Variants in CNTLN observed in about 807,000 individuals in gnomAD.
CNTLN encodes centlein, centrosomal protein.
Under a neutral mutation model 180.0 loss-of-function variants are expected in CNTLN, and 212 were observed. That is an observed-to-expected ratio of 1.18 (90% confidence interval 1.05 to 1.32). The LOEUF (loss-of-function observed/expected upper bound fraction) is 1.32, where lower values mean the gene tolerates loss of function less well. CNTLN is among the 40% of genes most tolerant of loss of function. The probability of loss-of-function intolerance (pLI) is 0.00; values close to 1 mark genes in which losing one functional copy is unlikely to be tolerated. For synonymous variants in CNTLN, 722 were observed against 563.1 expected (o/e 1.28, Z -3.99); for missense variants, 2,095 against 1,610.9 (o/e 1.30, Z -5.14).
intron 13 of CNTLN, among the ~76,000 whole-genome samples, chr9:17,371,826 G>A (rs777072561): frequency 1.3e-5 from 2 of 152,018 alleles, no homozygotes; most frequent in African/African-American, 4.8e-5. Context: ...TGGAAGCTCT[G>A]CAGACATATG....
At chr9:17,255,118 A>G (rs527803943) in intron 5 of CNTLN, among the ~76,000 whole-genome samples, 7 of 151,918 alleles carry the variant, frequency 4.6e-5, no homozygotes, top group African/African-American at 1.4e-4. Context: ...CTACATATAC[A>G]TGCCATCAGC....
chr9:17,322,654 T>TA (rs2133050498), intron 8 of CNTLN, among the ~76,000 whole-genome samples: 1 of 152,270 alleles, frequency 6.6e-6, no homozygotes, highest in South Asian at 2.1e-4. Context: ...ACATTACCCT[T>TA]ACTGAAATCT....
intron 8 of CNTLN, among the ~76,000 whole-genome samples, chr9:17,322,491 G>GA: frequency 6.6e-6 from 1 of 152,212 alleles, no homozygotes; most frequent in Non-Finnish European, 1.5e-5. Flanking sequence ...CAAGCAGAAT[G>GA]AAACAGCCCA....
intron 6 of CNTLN, among the ~76,000 whole-genome samples, chr9:17,280,319 G>A (rs919209383): frequency 6.6e-6 from 1 of 152,128 alleles, no homozygotes; most frequent in Non-Finnish European, 1.5e-5. Flanking sequence ...TGTATCTAGA[G>A]GAACTTCTCA....
At chr9:17,317,040 GTTT>G (rs550773715) in intron 8 of CNTLN, among the ~76,000 whole-genome samples, 12 of 150,586 alleles carry the variant, frequency 8.0e-5, no homozygotes, top group Admixed American at 5.3e-4. Context: ...AGAAAAAAGT[GTTT>G]TTTTTTTTTC....
chr9:17,449,221 A>G (rs937961818), intron 18 of CNTLN, among the ~76,000 whole-genome samples: 2 of 152,080 alleles, frequency 1.3e-5, no homozygotes, highest in Non-Finnish European at 2.9e-5. Context: ...TTTTCAAGAG[A>G]GCTTTTCTTC....
intron 1 of CNTLN, among the ~76,000 whole-genome samples, chr9:17,142,763 A>G (rs1256602007): frequency 1.3e-5 from 2 of 152,224 alleles, no homozygotes; most frequent in Non-Finnish European, 2.9e-5. Flanking sequence ...AAAGCTCCTC[A>G]AAAGAGATAC....
chr9:17,405,003 G>A (rs924666376), intron 15 of CNTLN, among the ~76,000 whole-genome samples: 2 of 151,758 alleles, frequency 1.3e-5, no homozygotes, highest in African/African-American at 4.9e-5. Flanking sequence ...CTCCCAAAGT[G>A]CTGGGATTAC....
chr9:17,205,858 G>C (rs1364116416), intron 2 of CNTLN, among the ~76,000 whole-genome samples: 1 of 152,162 alleles, frequency 6.6e-6, no homozygotes, highest in African/African-American at 2.4e-5. Flanking sequence ...TATTTAATCA[G>C]CAGGCAGATC....
At chr9:17,313,269 T>C (rs1819331932) in intron 8 of CNTLN, among the ~76,000 whole-genome samples, 1 of 152,172 alleles carries the variant, frequency 6.6e-6, no homozygotes, top group African/African-American at 2.4e-5. Flanking sequence ...ATTTCTTCCT[T>C]TTCATTGCAG....
At chr9:17,474,016 C>T (rs1832187238) in intron 23 of CNTLN, among the ~76,000 whole-genome samples, 1 of 152,154 alleles carries the variant, frequency 6.6e-6, no homozygotes, top group Admixed American at 6.5e-5. Context: ...TCATTCTCTT[C>T]CTGACAGACA....
intron 2 of CNTLN, among the ~76,000 whole-genome samples, chr9:17,149,711 G>A (rs1296162798): frequency 1.3e-5 from 2 of 151,722 alleles, no homozygotes; most frequent in Non-Finnish European, 1.5e-5. Context: ...TAGAGACGGG[G>A]TTTCACCATG....
At chr9:17,139,551 A>G (rs1396888246) in intron 1 of CNTLN, among the ~76,000 whole-genome samples, 1 of 151,712 alleles carries the variant, frequency 6.6e-6, no homozygotes, top group Non-Finnish European at 1.5e-5. Context: ...TCCCAGCTAC[A>G]TGGGAAGCTG....
chr9:17,317,283 T>C (rs112129492), intron 8 of CNTLN, among the ~76,000 whole-genome samples: 2,473 of 152,306 alleles, frequency 0.016, 73 homozygotes, highest in African/African-American at 0.057. Context: ...ACAGTTTAAA[T>C]AATGGCTCTC....
chr9:17,193,586 C>G (rs904209448), intron 2 of CNTLN, among the ~76,000 whole-genome samples: 1 of 152,212 alleles, frequency 6.6e-6, no homozygotes, highest in African/African-American at 2.4e-5. Context: ...TGGTCTTGGG[C>G]AGCTCTGCAC....
the CNTLN span, among the ~76,000 whole-genome samples, chr9:17,525,667 A>T: frequency 6.6e-6 from 1 of 152,182 alleles, no homozygotes. Flanking sequence ...TAAAAGACCT[A>T]ATTTTATGAA....
chr9:17,338,331 A>ATTTTTTTT lies in CNTLN; in HGVS notation c.1645-2491_1645-2490insTTTTTTTT, dbSNP rs1238106698. 9.3e-3 allele frequency among the ~76,000 whole-genome samples: 250 copies of ATTTTTTTT among 26,794 alleles called. 2 individuals carry two copies. The highest frequency in any genetic ancestry group is 0.021 in the East Asian group (14 of 670). 17.6% of individuals were successfully genotyped at this position (26,794 alleles called of 152,430 possible). ...AGGCACCTGCTATCACTCCTGGCTAATTTTTGTTTTTTTTTTTTTTTTTTA... is the reference window on the plus strand; with the variant it reads ...AGGCACCTGCTATCACTCCTGGCTAATTTTTTTTTTTTTGTTTTTTTTTTTTTTTTTTA... On this transcript the variant is annotated intron_variant, in intron 10 of 25. Coordinates refer to ENST00000380647, the MANE Select transcript of CNTLN (RefSeq NM_017738.4).
chr9:17,275,865 G>T (rs1828277126), intron 6 of CNTLN, among the ~76,000 whole-genome samples: 1 of 152,112 alleles, frequency 6.6e-6, no homozygotes, highest in Admixed American at 6.6e-5. Context: ...TATGGCCTAT[G>T]TGAATTAATG....
chr9:17,383,161 A>G (rs1311417129), intron 13 of CNTLN, among the ~76,000 whole-genome samples: 1 of 152,136 alleles, frequency 6.6e-6, no homozygotes, highest in Admixed American at 6.5e-5. Context: ...GTATATACAC[A>G]CACAAATATA....
Sources: allele counts gnomAD v4.1 joint callset (sites outside exome capture counted in the v4.1 genomes callset), GRCh38; gene constraint gnomAD v4.1.1; transcripts MANE v1.5; gene names NCBI Gene and HGNC (gene_info 2026-07-23, HGNC 2026-07-21).